Variants in GCNT4 observed in about 807,000 individuals in gnomAD.
GCNT4 encodes beta-1,3-galactosyl-O-glycosyl-glycoprotein beta-1,6-N-acetylglucosaminyltransferase 4.
GCNT4 carries 17 observed loss-of-function variants against 31.3 expected under a neutral mutation model. The ratio of observed to expected loss-of-function variants is 0.54; its 90% CI spans 0.37 to 0.81. The LOEUF (loss-of-function observed/expected upper bound fraction) is 0.81, where lower values mean the gene tolerates loss of function less well. GCNT4 is among the 40% of genes least tolerant of loss of function. The pLI is 0.00. For missense variants in GCNT4, 503 were observed against 525.5 expected (o/e 0.96, Z 0.42); for synonymous variants, 158 against 190.6 (o/e 0.83, Z 1.41).
downstream of GCNT4, among the ~76,000 whole-genome samples, chr5:75,022,694 T>C (rs920219650): frequency 1.3e-5 from 2 of 152,186 alleles, no homozygotes; most frequent in African/African-American, 4.8e-5. Context: ...AGGGATCATG[T>C]CCAGCTGTTA....
chr5:75,052,000 TATA>T (rs1743581821), intron 2 of GCNT4, among the ~76,000 whole-genome samples, 166 bp downstream of exon 2: 1 of 152,212 alleles, frequency 6.6e-6, no homozygotes, highest in African/African-American at 2.4e-5. Flanking sequence ...ATATGCTCTC[TATA>T]ATGATTCACT....
the GCNT4 span, among the ~76,000 whole-genome samples, chr5:75,017,187 A>G: frequency 5.9e-5 from 9 of 152,306 alleles, no homozygotes; most frequent in Non-Finnish European, 1.3e-4. Context: ...TCAGATTTAC[A>G]GTTGTTTTTG....
Position 75,027,125 on chromosome 5 carries a change from G to A in GCNT4, c.*1551C>T, listed in dbSNP as rs1742961161. On this transcript the variant is annotated 3_prime_UTR_variant, in exon 4 of 4. Coordinates refer to ENST00000652361, the MANE Select transcript of GCNT4 (RefSeq NM_001366737.1). ...ATTTTTATTTACTGAGGCTGCCATT[G>A]AGACATATCATGACCAAGAAATTTT... The A allele has an allele frequency of 6.6e-6, 1 of 150,710 alleles. No individual in the cohort carries two copies. Among genetic ancestry groups the A allele is most frequent in the Admixed American group, 6.7e-5 (1 of 15,036 alleles). 9.3% of individuals were successfully genotyped at this position (150,710 alleles called of 1,614,324 possible).
rs1377912696 is a variant in GCNT4 at position 75,026,743 on chromosome 5, G to C, written c.*1933C>G. The C allele has an allele frequency of 2.7e-5, 4 of 149,508 alleles. No homozygotes were observed. Among genetic ancestry groups the C allele is most frequent in the Non-Finnish European group, 4.4e-5 (3 of 67,792 alleles). 9.3% of individuals were successfully genotyped at this position (149,508 alleles called of 1,614,324 possible). On this transcript the variant is annotated 3_prime_UTR_variant, in exon 4 of 4. Coordinates refer to ENST00000652361, the MANE Select transcript of GCNT4 (RefSeq NM_001366737.1). Reference sequence around the variant, plus strand: ...GATCTGGAAAACTGAGGTTCATAGAGACCAAAGTGACTTACCTGTCCACAG... The same window carrying C: ...GATCTGGAAAACTGAGGTTCATAGACACCAAAGTGACTTACCTGTCCACAG...
intron 3 of GCNT4, chr5:75,030,246 A>T: frequency 1.9e-6 from 1 of 524,252 alleles, no homozygotes; most frequent in Non-Finnish European, 3.4e-6. Flanking sequence ...TGTTAACTAT[A>T]CCTAATTTTG....
the GCNT4 span, among the ~76,000 whole-genome samples, chr5:75,019,326 A>G: frequency 6.6e-6 from 1 of 152,230 alleles, no homozygotes; most frequent in African/African-American, 2.4e-5. Flanking sequence ...TAGACTTCCC[A>G]GCTTCCACAA....
chr5:75,043,222 T>A (rs61190902), intron 3 of GCNT4, among the ~76,000 whole-genome samples: 4,754 of 152,284 alleles, frequency 0.031, 216 homozygotes, highest in African/African-American at 0.099. Context: ...AAAACCAGAC[T>A]CTTCAGATTT....
rs1303558307 is a variant in GCNT4, at chr5:75,027,337, A to ATGTATATATAATATATATTAAT, written c.*1338_*1339insATTAATATATATTATATATACA. The stretch of plus-strand genomic sequence containing the variant: ...GTATATATAATATATATTCATATAC[A>ATGTATATATAATATATATTAAT]ATATATGTATATATAATATATATAT... On this transcript the variant is annotated 3_prime_UTR_variant, in exon 4 of 4. Transcript: ENST00000652361. The ATGTATATATAATATATATTAAT allele has an allele frequency of 4.2e-5, 2 of 48,022 alleles. No homozygotes were observed. The highest frequency in any genetic ancestry group is 1.5e-4 in the African/African-American group (2 of 13,244). The allele number at this position is 48,022 out of a possible 1,614,324, so 3.0% of individuals were successfully genotyped here.
At position 75,027,335 on chromosome 5, in the gene GCNT4, A is replaced by ATATGTATATAT. The variant is rs1387445019; in HGVS notation, c.*1340_*1341insATATATACATA. 2.0e-5 allele frequency: 1 copy of ATATGTATATAT among 50,464 alleles called. No individual in the cohort carries two copies. Among genetic ancestry groups the ATATGTATATAT allele is most frequent in the African/African-American group, 7.5e-5 (1 of 13,372 alleles). The allele number at this position is 50,464 out of a possible 1,614,324, so 3.1% of individuals were successfully genotyped here. On this transcript the variant is annotated 3_prime_UTR_variant, in exon 4 of 4. Coordinates refer to ENST00000652361, the MANE Select transcript of GCNT4 (RefSeq NM_001366737.1). Reference sequence around the variant, plus strand: ...ATGTATATATAATATATATTCATATACAATATATGTATATATAATATATAT... The same window carrying ATATGTATATAT: ...ATGTATATATAATATATATTCATATATATGTATATATCAATATATGTATATATAATATATAT...
chr5:75,042,465 CA>C (rs1382295660), intron 3 of GCNT4, among the ~76,000 whole-genome samples: 1 of 152,102 alleles, frequency 6.6e-6, no homozygotes, highest in African/African-American at 2.4e-5. Context: ...ATTAATTCCT[CA>C]AAGATTCCAT....
intron 3 of GCNT4, among the ~76,000 whole-genome samples, chr5:75,034,283 T>C (rs1170890165): frequency 6.6e-6 from 1 of 152,192 alleles, no homozygotes; most frequent in African/African-American, 2.4e-5. Context: ...GACCCTCCCA[T>C]TGGGCTCTGC....
At chr5:75,036,041 T>C (rs749440774) in intron 3 of GCNT4, among the ~76,000 whole-genome samples, 1 of 152,190 alleles carries the variant, frequency 6.6e-6, no homozygotes, top group Non-Finnish European at 1.5e-5. Flanking sequence ...ACAAAATCTA[T>C]GCACACTCAA....
chr5:75,053,898 C>T (rs1345236797), upstream of GCNT4, among the ~76,000 whole-genome samples: 3 of 152,198 alleles, frequency 2.0e-5, no homozygotes, highest in African/African-American at 7.2e-5. Flanking sequence ...GTCAGGAGAG[C>T]TAAGTAACTT....
At chr5:75,020,709 C>G (rs2149942722), downstream of GCNT4, among the ~76,000 whole-genome samples, 1 of 152,238 alleles carries the variant, frequency 6.6e-6, no homozygotes, top group African/African-American at 2.4e-5. Flanking sequence ...AATATTAGGT[C>G]AGAACACAGA....
rs1742973231 is a variant in GCNT4 at position 75,027,433 on chromosome 5, A to ACAT, written c.*1242_*1243insATG. 7.0e-6 allele frequency: 1 copy of ACAT among 142,190 alleles called. No homozygotes were observed. Among genetic ancestry groups the ACAT allele is most frequent in the Admixed American group, 7.2e-5 (1 of 13,804 alleles). 8.8% of individuals were successfully genotyped at this position (142,190 alleles called of 1,614,324 possible). ...ACATAAATATATATTACATATATAT[A>ACAT]AAATATATATTATATATATATATTT... On this transcript the variant is annotated 3_prime_UTR_variant, in exon 4 of 4. Transcript: ENST00000652361.
At chr5:75,044,536 C>T (rs1743393063) in intron 3 of GCNT4, among the ~76,000 whole-genome samples, 2 of 151,922 alleles carry the variant, frequency 1.3e-5, no homozygotes, top group Admixed American at 6.6e-5. Flanking sequence ...AGCTAATGCA[C>T]TGGGCACATT....
chr5:75,019,060 G>A, the GCNT4 span, among the ~76,000 whole-genome samples: 25 of 152,206 alleles, frequency 1.6e-4, no homozygotes, highest in South Asian at 6.2e-4. Context: ...GAATGTTTGT[G>A]TCTTCCCTCC....
Position 75,027,015 on chromosome 5 carries a change from A to G in GCNT4, c.*1661T>C, listed in dbSNP as rs957810610. On this transcript the variant is annotated 3_prime_UTR_variant, in exon 4 of 4. Coordinates refer to ENST00000652361, the MANE Select transcript of GCNT4 (RefSeq NM_001366737.1). ...TTTCACATTTAGAACACAGACATTTAAAAAATATGTAATACTTAAATCTTC... is the reference window on the plus strand; with the variant it reads ...TTTCACATTTAGAACACAGACATTTGAAAAATATGTAATACTTAAATCTTC... 2 of 151,598 alleles carry G rather than the reference A, an allele frequency of 1.3e-5. No homozygotes were observed. The highest frequency in any genetic ancestry group is 4.8e-5 in the African/African-American group (2 of 41,358). 9.4% of individuals were successfully genotyped at this position (151,598 alleles called of 1,614,324 possible). A position where few individuals can be genotyped will look rare whatever the true frequency, so the allele number is the denominator to read the frequency against.
chr5:75,040,335 AAGG>A (rs372287701), intron 3 of GCNT4, among the ~76,000 whole-genome samples: 14 of 152,254 alleles, frequency 9.2e-5, no homozygotes, highest in Middle Eastern at 3.4e-3. Context: ...CACTTGCTAC[AAGG>A]AGTAGTTACT....
Sources: gnomAD v4.1 joint callset for allele counts (sites outside exome capture counted in the v4.1 genomes callset) on GRCh38, gnomAD v4.1.1 for gene constraint, MANE v1.5 for transcripts, NCBI Gene and HGNC (gene_info 2026-07-23, HGNC 2026-07-21) for gene names.